Variants in NIBAN2 observed in about 807,000 individuals in gnomAD.
NIBAN2 encodes niban apoptosis regulator 2.
Under a neutral mutation model 81.8 loss-of-function variants are expected in NIBAN2, and 36 were observed. The ratio of observed to expected loss-of-function variants is 0.44; its 90% CI spans 0.34 to 0.58. The LOEUF is 0.58. NIBAN2 is among the 20% of genes least tolerant of loss of function. NIBAN2 has a pLI of 0.02. For synonymous variants in NIBAN2, 445 were observed against 441.6 expected (o/e 1.01, Z -0.10); for missense variants, 897 against 1,014.1 (o/e 0.88, Z 1.57).
intron 1 of NIBAN2, among the ~76,000 whole-genome samples, chr9:127,538,836 T>C (rs1837326770): frequency 6.6e-6 from 1 of 150,960 alleles, no homozygotes; most frequent in Non-Finnish European, 1.5e-5. Context: ...TCCCAGCTAC[T>C]TGGGAGACTG....
At chr9:127,511,584 A>G (rs1288857253) in intron 8 of NIBAN2, among the ~76,000 whole-genome samples, 2 of 152,216 alleles carry the variant, frequency 1.3e-5, no homozygotes, top group African/African-American at 2.4e-5. Flanking sequence ...TGAGAAATCC[A>G]TGCAGGAAAA....
intron 1 of NIBAN2, among the ~76,000 whole-genome samples, chr9:127,542,298 C>A (rs1219020083): frequency 6.6e-6 from 1 of 152,202 alleles, no homozygotes; most frequent in Non-Finnish European, 1.5e-5. Flanking sequence ...CTGGAAAGCC[C>A]CAGGCTGGGT....
At chr9:127,549,369 T>G (rs954676415) in intron 1 of NIBAN2, among the ~76,000 whole-genome samples, 1 of 150,020 alleles carries the variant, frequency 6.7e-6, no homozygotes, top group Non-Finnish European at 1.5e-5. Context: ...ACACATGCAC[T>G]CACATGTGCA....
intron 8 of NIBAN2, among the ~76,000 whole-genome samples, chr9:127,511,478 A>G (rs1298781832): frequency 1.3e-5 from 2 of 151,028 alleles, no homozygotes; most frequent in Admixed American, 6.6e-5. Flanking sequence ...GATTACAGGC[A>G]TGAGCCACCG....
In NIBAN2 at chr9:127,552,690, T is replaced by G. The variant is rs868739779; in HGVS notation, c.55+16130A>C. Among the ~76,000 whole-genome samples, 48 of 135,300 alleles carry G rather than the reference T, an allele frequency of 3.5e-4. 1 individual carries two copies. The highest frequency in any genetic ancestry group is 8.4e-4 in the African/African-American group (28 of 33,266). The allele number at this position is 135,300 out of a possible 152,430, so 88.8% of individuals were successfully genotyped here. On this transcript the variant is annotated intron_variant, in intron 1 of 13. Transcript: ENST00000373312. ...GAGGCGTAATGGAATATTCGTTTTT[T>G]TTTTTTTTTTTTTTTTGAGACAGAG...
At chr9:127,530,350 G>A (rs1247204453) in intron 2 of NIBAN2, among the ~76,000 whole-genome samples, 1 of 152,214 alleles carries the variant, frequency 6.6e-6, no homozygotes, top group Admixed American at 6.5e-5. Flanking sequence ...AAAGGGCCCT[G>A]GGCTGGTCCA....
chr9:127,545,493 GC>G lies in NIBAN2; in HGVS notation c.56-13716del, dbSNP rs1490849891. Among the ~76,000 whole-genome samples the G allele has an allele frequency of 7.2e-5, 11 of 152,358 alleles. No individual in the cohort carries two copies. In the East Asian group the frequency reaches 2.1e-3, roughly 29 times the overall value. On this transcript the variant is annotated intron_variant, in intron 1 of 13. Coordinates refer to ENST00000373312, the MANE Select transcript of NIBAN2 (RefSeq NM_022833.4). This position sits in a 1 kb window ranked among gnomAD's most constrained non-coding sequence, Gnocchi z 4.7. ...AGGCGCCAAACAGGTCACCAGGGAG[GC>G]CATGGTGGGCAGGGACTCAGTCTGA...
chr9:127,522,329 C>T (rs1272013941), intron 5 of NIBAN2, among the ~76,000 whole-genome samples: 1 of 152,150 alleles, frequency 6.6e-6, no homozygotes, highest in Non-Finnish European at 1.5e-5. Flanking sequence ...AGGCCATTGG[C>T]GCCCACTCCG....
intron 9 of NIBAN2, among the ~76,000 whole-genome samples, 193 bp from the exon 10 acceptor site, chr9:127,509,324 C>G (rs1228681455): frequency 6.6e-6 from 1 of 152,156 alleles, no homozygotes; most frequent in Non-Finnish European, 1.5e-5. Context: ...GCTCTGAAGG[C>G]ATGGAGGGCG....
At chr9:127,557,418 C>T (rs896458631) in intron 1 of NIBAN2, among the ~76,000 whole-genome samples, 1 of 146,372 alleles carries the variant, frequency 6.8e-6, no homozygotes, top group Admixed American at 6.7e-5. Context: ...GAAGCAGGAC[C>T]GGCCTCCCAT....
intron 1 of NIBAN2, among the ~76,000 whole-genome samples, chr9:127,542,587 C>A (rs893351577): frequency 6.6e-6 from 1 of 152,274 alleles, no homozygotes; most frequent in African/African-American, 2.4e-5. Context: ...AGGCCCTTGG[C>A]TGGGTCCTGG....
At position 127,508,251 on chromosome 9, in the gene NIBAN2, C is replaced by T. The variant is rs1836653004; in HGVS notation, c.1435-51G>A. 1 of 1,503,354 alleles carries T rather than the reference C, an allele frequency of 6.7e-7. No individual in the cohort carries two copies. 93.1% of individuals were successfully genotyped at this position (1,503,354 alleles called of 1,614,324 possible). A position where few individuals can be genotyped will look rare whatever the true frequency, so the allele number is the denominator to read the frequency against. On this transcript the variant is annotated intron_variant, in intron 11 of 13. Coordinates refer to ENST00000373312, the MANE Select transcript of NIBAN2 (RefSeq NM_022833.4). This position sits in a 1 kb window ranked among gnomAD's most constrained non-coding sequence, Gnocchi z 6.4. ...TCTGCAGGTCAGTGGGCTCCATTGG[C>T]CCTGAGGGTAGGACGAGGCCAGTGG...
chr9:127,545,646 G>A lies in NIBAN2; in HGVS notation c.56-13868C>T, dbSNP rs1390828799. 6.6e-6 allele frequency among the ~76,000 whole-genome samples: 1 copy of A among 152,152 alleles called. No individual in the cohort carries two copies. Among genetic ancestry groups the A allele is most frequent in the East Asian group, 1.9e-4 (1 of 5,188 alleles). ...GTTGGCAAATATTTAACCAGGGCTG[G>A]GCCACAACAGGTCTGGTGGGGAAGG... On this transcript the variant is annotated intron_variant, in intron 1 of 13. Coordinates refer to ENST00000373312, the MANE Select transcript of NIBAN2 (RefSeq NM_022833.4). This position sits in a 1 kb window ranked among gnomAD's most constrained non-coding sequence, Gnocchi z 4.7.
chr9:127,518,037 A>G, intron 5 of NIBAN2, 96 bp from the exon 6 acceptor site: 1 of 690,756 alleles, frequency 1.4e-6, no homozygotes, highest in Non-Finnish European at 2.4e-6. Flanking sequence ...CCCCACACAC[A>G]TGGCATGCAC....
At chr9:127,570,509 A>C (rs1367347306), upstream of NIBAN2, among the ~76,000 whole-genome samples, 1 of 152,170 alleles carries the variant, frequency 6.6e-6, no homozygotes, top group Admixed American at 6.5e-5. Flanking sequence ...GGGTTAAATG[A>C]TATCACAAAG....
chr9:127,557,305 G>T lies in NIBAN2; in HGVS notation c.55+11515C>A, dbSNP rs183057118. Among the ~76,000 whole-genome samples the T allele has an allele frequency of 6.4e-4, 97 of 152,296 alleles. 4 individuals carry two copies. Among genetic ancestry groups the T allele is most frequent in the Admixed American group, 5.9e-3 (90 of 15,304 alleles). Reference sequence around the variant, plus strand: ...AGGGTGACACATGGTTAGTAGCAAGGTCACTCTACTACCAGAGGCTCTTAT... The same window carrying T: ...AGGGTGACACATGGTTAGTAGCAAGTTCACTCTACTACCAGAGGCTCTTAT... On this transcript the variant is annotated intron_variant, in intron 1 of 13. Transcript: ENST00000373312.
rs759413188 is a variant in NIBAN2 at position 127,507,480 on chromosome 9, C to T, written c.1655-49G>A. On this transcript the variant is annotated intron_variant, in intron 13 of 13. Coordinates refer to ENST00000373312, the MANE Select transcript of NIBAN2 (RefSeq NM_022833.4). The surrounding 1 kb of genome is among the most constrained non-coding windows in gnomAD (Gnocchi z 6.8). The stretch of plus-strand genomic sequence containing the variant: ...CAGGACACAGCACTGATCCCACAGC[C>T]GCCCCTGTGCTGGACTCTGCTCAAA... 1.6e-5 allele frequency: 23 copies of T among 1,412,216 alleles called. No individual in the cohort carries two copies. The highest frequency in any genetic ancestry group is 4.9e-5 in the East Asian group (2 of 41,096). 87.5% of individuals were successfully genotyped at this position (1,412,216 alleles called of 1,614,324 possible).
intron 1 of NIBAN2, among the ~76,000 whole-genome samples, chr9:127,532,703 G>C (rs1837206870): frequency 6.6e-6 from 1 of 151,906 alleles, no homozygotes; most frequent in Non-Finnish European, 1.5e-5. Context: ...AAGTGACAGA[G>C]TCACCTGTTG....
Position 127,507,170 on chromosome 9 carries a change from G to C in NIBAN2, c.1916C>G (p.Pro639Arg). The C allele has an allele frequency of 6.2e-7, 1 of 1,612,164 alleles. No individual in the cohort carries two copies. Among genetic ancestry groups the C allele is most frequent in the South Asian group, 1.1e-5 (1 of 90,858 alleles). ...CGGGGACGCAGGTGGTGGTGACTCA[G>C]GGCTAGCCTCAAAGGGCAGCCCCAC... Reference protein sequence around the residue: ...EEVGLPFEASPESPPPASPDG... With the variant: ...EEVGLPFEASRESPPPASPDG... Residue 639 changes from proline (P) to arginine (R), a missense_variant, in exon 14 of 14, where the codon CCT (proline) becomes CGT (arginine). Coordinates refer to ENST00000373312, the MANE Select transcript of NIBAN2 (RefSeq NM_022833.4). This position sits in a 1 kb window ranked among gnomAD's most constrained non-coding sequence, Gnocchi z 6.8.
Sources: allele counts gnomAD v4.1 joint callset (sites outside exome capture counted in the v4.1 genomes callset), GRCh38; gene constraint gnomAD v4.1.1; non-coding constraint Gnocchi (gnomAD v3.1); transcripts MANE v1.5; gene names NCBI Gene and HGNC (gene_info 2026-07-23, HGNC 2026-07-21).